PMM2: variants seen among roughly 807,000 people sequenced by gnomAD.
The protein encoded by PMM2 is phosphomannomutase 2.
Under a neutral mutation model 33.2 loss-of-function variants are expected in PMM2, and 35 were observed. That is an observed-to-expected ratio of 1.06 (90% CI 0.81 to 1.40). The LOEUF (loss-of-function observed/expected upper bound fraction) is 1.40. Among genes scored for constraint, PMM2 ranks in the 40% most tolerant of loss-of-function variants. The pLI is 0.00. For synonymous variants in PMM2, 153 were observed against 114.7 expected, an observed-to-expected ratio of 1.33 and a Z score of -2.13; for missense variants, 386 against 306.0, an observed-to-expected ratio of 1.26 and a Z score of -1.95.
chr16:8,811,556 C>A, intron 5 of PMM2, 82 bp from the exon 6 acceptor site: 1 of 876,088 alleles, frequency 1.1e-6, no homozygotes, highest in Non-Finnish European at 1.9e-6. Context: ...ATAAGATAAT[C>A]CTACCTTTGT....
chr16:8,831,661 T>C (rs2141037731), intron 7 of PMM2, among the ~76,000 whole-genome samples: 1 of 152,286 alleles, frequency 6.6e-6, no homozygotes, highest in African/African-American at 2.4e-5. Context: ...ATCACACTGT[T>C]CCTCTCTTTG....
At chr16:8,826,060 C>T (rs2060766095) in intron 7 of PMM2, among the ~76,000 whole-genome samples, 1 of 152,118 alleles carries the variant, frequency 6.6e-6, no homozygotes, top group South Asian at 2.1e-4. Flanking sequence ...GGCATAAAAC[C>T]CTATTATTTT....
chr16:8,803,164 A>T (rs1402573045), intron 2 of PMM2, among the ~76,000 whole-genome samples: 1 of 152,216 alleles, frequency 6.6e-6, no homozygotes, highest in Non-Finnish European at 1.5e-5. Flanking sequence ...GTTCTCAAAG[A>T]TGTAATATGT....
intron 7 of PMM2, among the ~76,000 whole-genome samples, chr16:8,827,786 A>ATACATATT (rs2060780985): frequency 2.2e-5 from 2 of 91,046 alleles, no homozygotes; most frequent in Non-Finnish European, 4.1e-5. Flanking sequence ...ATATATATTT[A>ATACATATT]TATATATTTA....
intron 2 of PMM2, chr16:8,802,419 A>G: frequency 2.5e-6 from 1 of 393,916 alleles, no homozygotes; most frequent in Middle Eastern, 3.6e-4. Flanking sequence ...TCTAGTGTAC[A>G]ACCTTGCTAA....
At position 8,804,031 on chromosome 16, in the gene PMM2, GTTTTTTTT is replaced by G. The variant is rs752484926; in HGVS notation, c.179-723_179-716del. The stretch of plus-strand genomic sequence containing the variant: ...GTTTTTTGTTTTTTGGGTTTTTTTT[GTTTTTTTT>G]TTTTTTTTTTTTGACGTTAGACAGA... On this transcript the variant is annotated intron_variant, in intron 2 of 7. Transcript: ENST00000268261. Among the ~76,000 whole-genome samples, 19 of 87,490 alleles carry G rather than the reference GTTTTTTTT, an allele frequency of 2.2e-4. No individual in the cohort carries two copies. The South Asian group carries it at 3.0e-3, about 14-fold the overall frequency. 57.4% of individuals were successfully genotyped at this position (87,490 alleles called of 152,430 possible). A position where few individuals can be genotyped will look rare whatever the true frequency, so the allele number is the denominator to read the frequency against.
At chr16:8,833,948 G>A (rs983720346) in intron 7 of PMM2, among the ~76,000 whole-genome samples, 6 of 147,390 alleles carry the variant, frequency 4.1e-5, no homozygotes, top group Admixed American at 6.6e-5. Context: ...AGTGTAAACC[G>A]GCAGTGTAAA....
intron 7 of PMM2, among the ~76,000 whole-genome samples, chr16:8,836,897 A>C (rs538190214): frequency 6.6e-6 from 1 of 152,152 alleles, no homozygotes; most frequent in South Asian, 2.1e-4. Flanking sequence ...CTATGCCTTT[A>C]GCTCCAGCCA....
chr16:8,811,237 C>G, intron 5 of PMM2, 59 bp downstream of exon 5: 1 of 1,130,822 alleles, frequency 8.8e-7, no homozygotes, highest in Non-Finnish European at 1.3e-6. Flanking sequence ...AAGATATGGC[C>G]TGGTGTGGTG....
intron 7 of PMM2, among the ~76,000 whole-genome samples, chr16:8,820,779 G>C (rs542989851): frequency 5.3e-5 from 8 of 152,304 alleles, no homozygotes; most frequent in Non-Finnish European, 1.0e-4. Flanking sequence ...CACAACCAGC[G>C]TCTGCTTCCT....
At chr16:8,801,733 T>G (rs907708542) in intron 1 of PMM2, 66 bp from the exon 2 acceptor site, 8 of 1,008,490 alleles carry the variant, frequency 7.9e-6, no homozygotes, top group African/African-American at 3.2e-5. Context: ...TGTGTTACCC[T>G]TAGAGTTTTG....
intron 7 of PMM2, chr16:8,847,519 G>A (rs1042085055): frequency 3.4e-6 from 2 of 580,328 alleles, no homozygotes; most frequent in South Asian, 2.0e-5. Context: ...AAGCCAAATT[G>A]CAGTTCAAGA....
At chr16:8,824,125 C>T (rs574598154) in intron 7 of PMM2, among the ~76,000 whole-genome samples, 3 of 152,296 alleles carry the variant, frequency 2.0e-5, no homozygotes, top group Admixed American at 2.0e-4. Context: ...TACTTTAACT[C>T]AATTGTTAAA....
At chr16:8,818,785 C>T (rs182219566) in intron 7 of PMM2, among the ~76,000 whole-genome samples, 1 of 152,314 alleles carries the variant, frequency 6.6e-6, no homozygotes, top group East Asian at 1.9e-4. Context: ...TTCCCATCAG[C>T]CACAAAAGCC....
intron 7 of PMM2, among the ~76,000 whole-genome samples, chr16:8,833,382 G>A (rs918950305): frequency 1.1e-4 from 16 of 152,280 alleles, no homozygotes; most frequent in Middle Eastern, 3.4e-3. Context: ...TTACTTTTGC[G>A]GATCTTCAGT....
At chr16:8,832,625 C>G in intron 7 of PMM2, 3 of 985,400 alleles carry the variant, frequency 3.0e-6, no homozygotes, top group Non-Finnish European at 3.6e-6. Context: ...GCACCCTGGC[C>G]GGCTGCAGGA....
chr16:8,816,359 G>A (rs1369499645), intron 7 of PMM2, among the ~76,000 whole-genome samples: 2 of 151,464 alleles, frequency 1.3e-5, no homozygotes, highest in Non-Finnish European at 2.9e-5. Context: ...CTCATGACCT[G>A]AAGTGATCCA....
At chr16:8,826,685 A>T (rs2060770143) in intron 7 of PMM2, among the ~76,000 whole-genome samples, 1 of 152,182 alleles carries the variant, frequency 6.6e-6, no homozygotes, top group Admixed American at 6.5e-5. Context: ...TTAAGTGCTT[A>T]TTTTTTAAGC....
At position 8,827,774 on chromosome 16, in the gene PMM2, A is replaced by G. The variant is rs868153580; in HGVS notation, c.639+14668A>G. 7.7e-3 allele frequency among the ~76,000 whole-genome samples: 825 copies of G among 107,624 alleles called. 18 individuals are homozygous for G. The highest frequency in any genetic ancestry group is 0.03 in the African/African-American group (792 of 26,384). The allele number at this position is 107,624 out of a possible 152,430, so 70.6% of individuals were successfully genotyped here. On this transcript the variant is annotated intron_variant, in intron 7 of 7. Coordinates refer to ENST00000268261, the MANE Select transcript of PMM2 (RefSeq NM_000303.3). ...TATATATATATATGCACACATTTAT[A>G]TATATATATTTATATATATTTATAC...
Sources: allele counts gnomAD v4.1 joint callset (sites outside exome capture counted in the v4.1 genomes callset), GRCh38; gene constraint gnomAD v4.1.1; transcripts MANE v1.5; gene names NCBI Gene and HGNC (gene_info 2026-07-23, HGNC 2026-07-21).